Variants in SLC17A1 observed in about 807,000 individuals in gnomAD.
SLC17A1 encodes solute carrier family 17 member 1, also known as sodium-dependent phosphate transport protein 1.
SLC17A1 carries 51 observed loss-of-function variants against 53.5 expected under a neutral mutation model. The observed-to-expected ratio is 0.95, with a 90% CI of 0.76 to 1.20. SLC17A1 has a LOEUF of 1.20. Ranked by LOEUF, SLC17A1 falls within the 50% of genes most tolerant of loss-of-function variation. The probability of loss-of-function intolerance (pLI) is 0.00; values close to 1 mark genes in which losing one functional copy is unlikely to be tolerated. For synonymous variants in SLC17A1, 179 were observed against 198.8 expected (o/e 0.90, Z 0.84); for missense variants, 538 against 568.2 (o/e 0.95, Z 0.54).
the SLC17A1 span, chr6:25,769,324 C>A: frequency 3.5e-6 from 3 of 859,080 alleles, no homozygotes; most frequent in South Asian, 3.5e-5. Context: ...GCACAAGTAC[C>A]TAAGTATCAG....
chr6:25,811,726 AC>A lies in SLC17A1; in HGVS notation c.941del (p.Cys314LeufsTer4). ...SSLPYLFAWI[C>X]GNLAGQLSDF... ...CTGATAACTGACCTGCTAGGTTACC[AC>A]AGATCCAGGCAAACAAATAGGGAAG... On this transcript the variant is annotated frameshift_variant, in exon 9 of 13. Coordinates refer to ENST00000244527, the MANE Select transcript of SLC17A1 (RefSeq NM_005074.5). LOFTEE classifies it high-confidence loss of function. 6.2e-7 allele frequency: 1 copy of A among 1,613,842 alleles called. No homozygotes were observed. The highest frequency in any genetic ancestry group is 8.5e-7 in the Non-Finnish European group (1 of 1,179,766).
intron 1 of SLC17A1, among the ~76,000 whole-genome samples, chr6:25,831,580 C>A (rs1323839061): frequency 6.6e-6 from 1 of 152,072 alleles, no homozygotes; most frequent in Non-Finnish European, 1.5e-5. Flanking sequence ...AGACACATAG[C>A]AAACCAAACA....
In SLC17A1 at chr6:25,798,923, A is replaced by G. The variant is rs1295745768; in HGVS notation, c.1270-4T>C. On this transcript the variant is annotated splice_region_variant and splice_polypyrimidine_tract_variant and intron_variant, in intron 11 of 12. Coordinates refer to ENST00000244527, the MANE Select transcript of SLC17A1 (RefSeq NM_005074.5). ...TAAACCAGGCGGATTCCGGATCCTA[A>G]GGAATTAAAATTCAAAGTAATTGTA... 6.4e-7 allele frequency: 1 copy of G among 1,552,266 alleles called. No homozygotes were observed. Among genetic ancestry groups the G allele is most frequent in the Admixed American group, 1.7e-5 (1 of 57,740 alleles).
chr6:25,790,897 G>A (rs1026091333), intron 12 of SLC17A1, among the ~76,000 whole-genome samples: 3 of 152,022 alleles, frequency 2.0e-5, no homozygotes, highest in Non-Finnish European at 4.4e-5. Flanking sequence ...TATTCAAAAC[G>A]AAACCAACAA....
chr6:25,798,316 CTT>C (rs1007905884), intron 12 of SLC17A1, among the ~76,000 whole-genome samples: 21 of 152,332 alleles, frequency 1.4e-4, no homozygotes, highest in Middle Eastern at 6.8e-3. Context: ...TTAAAGGACT[CTT>C]TGTCTCCATC....
In SLC17A1 at chr6:25,826,637, C is replaced by T. The variant is rs778708048; in HGVS notation, c.35-4G>A. ...CGAAAGGAACAGAAACCTGGAACTA[C>T]AAAGTAAAACAGAAAGTCGCAATTG... On this transcript the variant is annotated splice_region_variant and splice_polypyrimidine_tract_variant and intron_variant, in intron 2 of 12. Coordinates refer to ENST00000244527, the MANE Select transcript of SLC17A1 (RefSeq NM_005074.5). 2 of 1,549,100 alleles carry T rather than the reference C, an allele frequency of 1.3e-6. No homozygotes were observed. The highest frequency in any genetic ancestry group is 1.4e-5 in the African/African-American group (1 of 72,350).
intron 12 of SLC17A1, among the ~76,000 whole-genome samples, chr6:25,784,206 G>A (rs979064971): frequency 5.3e-5 from 8 of 152,176 alleles, no homozygotes; most frequent in Admixed American, 4.6e-4. Context: ...TGCTGCAGAT[G>A]TTTCCACATG....
the SLC17A1 span, among the ~76,000 whole-genome samples, chr6:25,751,405 A>G: frequency 6.6e-6 from 1 of 152,330 alleles, no homozygotes; most frequent in African/African-American, 2.4e-5. Flanking sequence ...CCTGCCCTGG[A>G]AAGAATTGTA....
chr6:25,738,413 G>C, the SLC17A1 span, among the ~76,000 whole-genome samples: 4 of 151,980 alleles, frequency 2.6e-5, no homozygotes, highest in Non-Finnish European at 2.9e-5. Context: ...AACTCATATA[G>C]ATCATATATT....
At chr6:25,821,728 C>T (rs1044339845) in intron 3 of SLC17A1, among the ~76,000 whole-genome samples, 7 of 152,100 alleles carry the variant, frequency 4.6e-5, no homozygotes, top group Non-Finnish European at 8.8e-5. Flanking sequence ...TGAAACTACT[C>T]ACACCAGAAA....
the SLC17A1 span, among the ~76,000 whole-genome samples, chr6:25,767,841 G>C: frequency 6.6e-6 from 1 of 152,214 alleles, no homozygotes; most frequent in East Asian, 1.9e-4. Context: ...TTCATTATTT[G>C]TCCATAATTT....
At position 25,805,732 on chromosome 6, in the gene SLC17A1, A is replaced by G. The variant is rs114513271; in HGVS notation, c.1179-4752T>C. On this transcript the variant is annotated intron_variant, in intron 10 of 12. Coordinates refer to ENST00000244527, the MANE Select transcript of SLC17A1 (RefSeq NM_005074.5). ...ATACAAAAGACCATTAGAGACTACT[A>G]TGAACACCTCTATGCACATAAACTA... is the stretch of plus-strand genomic sequence containing the variant. 4.6e-3 allele frequency among the ~76,000 whole-genome samples: 701 copies of G among 152,224 alleles called. 4 individuals are homozygous for G. The highest frequency in any genetic ancestry group is 0.016 in the African/African-American group (679 of 41,570).
intron 6 of SLC17A1, among the ~76,000 whole-genome samples, chr6:25,818,232 C>T (rs1489785983): frequency 2.0e-5 from 3 of 152,120 alleles, no homozygotes; most frequent in Admixed American, 2.0e-4. Flanking sequence ...CTTATGATTG[C>T]CTCAATCTAT....
At chr6:25,809,570 G>T (rs1359231) in intron 10 of SLC17A1, among the ~76,000 whole-genome samples, 14,129 of 151,958 alleles carry the variant, frequency 0.093, 838 homozygotes, top group Middle Eastern at 0.15. Flanking sequence ...AACTGAATAG[G>T]TGAAAGACCA....
chr6:25,760,688 AC>A, the SLC17A1 span, among the ~76,000 whole-genome samples: 1 of 152,304 alleles, frequency 6.6e-6, no homozygotes, highest in African/African-American at 2.4e-5. Context: ...TTTATTCTGT[AC>A]AATTTACATA....
At chr6:25,739,521 G>A in the SLC17A1 span, among the ~76,000 whole-genome samples, 5 of 152,080 alleles carry the variant, frequency 3.3e-5, no homozygotes, top group African/African-American at 9.7e-5. Context: ...TAATAGGTAA[G>A]CCTTAGAACA....
At chr6:25,777,564 AAACAACAACAACAACAAC>A in the SLC17A1 span, 22 of 162,054 alleles carry the variant, frequency 1.4e-4, 1 homozygote, top group African/African-American at 3.5e-4. Flanking sequence ...GCAGAAGCCA[AAACAACAACAACAACAAC>A]AACAACAACA....
Position 25,813,161 on chromosome 6 carries a change from G to A in SLC17A1, c.669C>T (p.Asp223=), listed in dbSNP as rs1764219521. Residue 223 remains aspartate (D), a synonymous_variant, in exon 7 of 13, where the codon GAC becomes GAT. Coordinates refer to ENST00000244527, the MANE Select transcript of SLC17A1 (RefSeq NM_005074.5). ...TGCTTATACATGGGTGGTCTTTGGG[G>A]TCATCATAAAACAGAACGAACCAGA... ...CLLWFVLFYD[D]PKDHPCISIS... 2.5e-6 allele frequency: 4 copies of A among 1,614,110 alleles called. No homozygotes were observed. The highest frequency in any genetic ancestry group is 1.1e-5 in the South Asian group (1 of 91,064).
downstream of SLC17A1, chr6:25,781,177 AAAG>A (rs1457044904): frequency 4.1e-4 from 2 of 4,834 alleles, no homozygotes; most frequent in Non-Finnish European, 9.2e-4. Flanking sequence ...TGATTAGCAG[AAAG>A]AAAGAAAGAA....
Sources: allele counts gnomAD v4.1 joint callset (sites outside exome capture counted in the v4.1 genomes callset), GRCh38; gene constraint gnomAD v4.1.1; transcripts MANE v1.5; gene names NCBI Gene and HGNC (gene_info 2026-07-23, HGNC 2026-07-21).